The following EML1 variants were observed in gnomAD, a reference collection of about 807,000 sequenced individuals.
EML1 encodes echinoderm microtubule-associated protein-like 1.
A neutral mutation model predicts 110.4 loss-of-function variants in EML1; 27 were observed. That is an observed-to-expected ratio of 0.24 (90% CI 0.18 to 0.34). The LOEUF (loss-of-function observed/expected upper bound fraction) is 0.34, where lower values mean the gene tolerates loss of function less well. Ranked by LOEUF, EML1 falls within the 10% of genes least tolerant of loss-of-function variation. EML1 has a pLI of 1.00. For missense variants in EML1, 741 were observed against 1,030.9 expected (o/e 0.72, Z 3.85); for synonymous variants, 344 against 385.8 (o/e 0.89, Z 1.27).
At chr14:99,925,942 A>G (rs534226744) in intron 17 of EML1, among the ~76,000 whole-genome samples, 10 of 152,244 alleles carry the variant, frequency 6.6e-5, no homozygotes, top group African/African-American at 2.4e-4. Context: ...ACTATTGCCC[A>G]GGGCTCCATA....
intron 1 of EML1, among the ~76,000 whole-genome samples, chr14:99,761,463 G>A (rs1287897456): frequency 6.6e-6 from 1 of 152,198 alleles, no homozygotes; most frequent in East Asian, 1.9e-4. Flanking sequence ...TTACTGGGAG[G>A]CGCCTGGCTG....
At chr14:99,914,734 A>G (rs767705214) in intron 15 of EML1, 37 bp downstream of exon 15, 4 of 1,576,326 alleles carry the variant, frequency 2.5e-6, no homozygotes, top group Non-Finnish European at 3.4e-6. Flanking sequence ...TTTCTTACAG[A>G]AATTCATCTG....
chr14:99,816,616 C>T (rs1172457938), intron 1 of EML1, among the ~76,000 whole-genome samples: 2 of 152,250 alleles, frequency 1.3e-5, no homozygotes. Context: ...CTTCTTCTGA[C>T]CCACATTGCT....
At chr14:99,771,395 T>G (rs566041689), upstream of EML1, among the ~76,000 whole-genome samples, 1 of 152,386 alleles carries the variant, frequency 6.6e-6, no homozygotes, top group East Asian at 1.9e-4. Context: ...TGTTGAAGCC[T>G]GTATGAGTAC....
At chr14:99,899,893 C>T (rs2140014945) in intron 8 of EML1, among the ~76,000 whole-genome samples, 1 of 152,078 alleles carries the variant, frequency 6.6e-6, no homozygotes, top group Non-Finnish European at 1.5e-5. Context: ...ATAGAGAAAT[C>T]CAGAGAGGCC....
intron 16 of EML1, among the ~76,000 whole-genome samples, chr14:99,918,849 T>C (rs1190770310): frequency 6.6e-6 from 1 of 152,160 alleles, no homozygotes; most frequent in Non-Finnish European, 1.5e-5. Flanking sequence ...AAATGCTTTT[T>C]CTAGCTGCCC....
intron 4 of EML1, among the ~76,000 whole-genome samples, chr14:99,888,692 G>A (rs1319514847): frequency 1.3e-5 from 2 of 152,182 alleles, no homozygotes; most frequent in African/African-American, 4.8e-5. Context: ...GCTATTTTAA[G>A]GCCACCATGG....
chr14:99,937,763 A>C (rs552770264), intron 19 of EML1, 54 bp from the exon 20 acceptor site: 1 of 1,525,408 alleles, frequency 6.6e-7, no homozygotes, highest in African/African-American at 1.4e-5. Context: ...AGCCTTGCTT[A>C]GGGGAGGGGT....
At chr14:99,858,357 G>A (rs770381209) in intron 2 of EML1, among the ~76,000 whole-genome samples, 32 of 152,178 alleles carry the variant, frequency 2.1e-4, no homozygotes, top group Non-Finnish European at 4.4e-4. Flanking sequence ...GCTAATTTTT[G>A]TATTTTTAGT....
intron 1 of EML1, among the ~76,000 whole-genome samples, chr14:99,783,382 A>C (rs2057563482): frequency 6.6e-6 from 1 of 151,894 alleles, no homozygotes; most frequent in South Asian, 2.1e-4. Flanking sequence ...TTCTTAATCC[A>C]GTCTATCATT....
chr14:99,806,393 C>T lies in EML1; in HGVS notation c.67+12850C>T, dbSNP rs183964206. 3.4e-3 allele frequency among the ~76,000 whole-genome samples: 506 copies of T among 150,332 alleles called. 5 individuals carry two copies. The highest frequency in any genetic ancestry group is 0.011 in the African/African-American group (461 of 40,680). On this transcript the variant is annotated intron_variant, in intron 1 of 21. Transcript: ENST00000262233. ...TGCAGTGGCGTTAATCTCGGCTCAC[C>T]GCAACCTCTGCCTCCCGGGTTCAAG...
At chr14:99,904,934 A>G (rs2059819214) in intron 9 of EML1, among the ~76,000 whole-genome samples, 2 of 152,360 alleles carry the variant, frequency 1.3e-5, no homozygotes, top group East Asian at 1.9e-4. Context: ...ACAAAGCACA[A>G]CAGATTTTCT....
intron 3 of EML1, among the ~76,000 whole-genome samples, chr14:99,874,275 A>G (rs1047578066): frequency 6.6e-6 from 1 of 152,250 alleles, no homozygotes; most frequent in Non-Finnish European, 1.5e-5. Flanking sequence ...ATTTATTTTC[A>G]TAACTTACAA....
intron 2 of EML1, among the ~76,000 whole-genome samples, chr14:99,857,789 A>G (rs2058930278): frequency 6.6e-6 from 1 of 152,216 alleles, no homozygotes; most frequent in Admixed American, 6.5e-5. Context: ...ACTGGATGCA[A>G]CATTTTGTTT....
At chr14:99,834,251 T>C (rs2058504059) in intron 1 of EML1, among the ~76,000 whole-genome samples, 1 of 152,104 alleles carries the variant, frequency 6.6e-6, no homozygotes, top group African/African-American at 2.4e-5. Flanking sequence ...TATTAATAGG[T>C]CATGATGTAT....
Position 99,764,012 on chromosome 14 carries a change from C to T in EML1, c.28+26152C>T, listed in dbSNP as rs118140794. Among the ~76,000 whole-genome samples, 204 of 152,242 alleles carry T rather than the reference C, an allele frequency of 1.3e-3. 3 individuals carry two copies. The East Asian group carries it at 0.031, about 23-fold the overall frequency. Reference sequence around the variant, plus strand: ...CTTCTTGCTAACACCGCCAGGCAGCCGAGGTCCCCAAGTGTTTCTGGAGGA... The same window carrying T: ...CTTCTTGCTAACACCGCCAGGCAGCTGAGGTCCCCAAGTGTTTCTGGAGGA... On this transcript the variant is annotated intron_variant, in intron 1 of 10. Transcript: ENST00000554479.
intron 1 of EML1, among the ~76,000 whole-genome samples, chr14:99,814,249 G>T (rs865901197): frequency 6.6e-6 from 1 of 152,190 alleles, no homozygotes; most frequent in East Asian, 1.9e-4. Context: ...TCAAAAGGAA[G>T]GTCAAAGGAA....
intron 9 of EML1, 22 bp from the exon 10 acceptor site, chr14:99,907,616 C>A: frequency 6.2e-7 from 1 of 1,605,318 alleles, no homozygotes; most frequent in Non-Finnish European, 8.5e-7. Flanking sequence ...TATAGTCTTC[C>A]TGTGAATAAC....
intron 1 of EML1, among the ~76,000 whole-genome samples, chr14:99,762,046 A>G (rs890065319): frequency 1.3e-5 from 2 of 152,132 alleles, no homozygotes; most frequent in Non-Finnish European, 2.9e-5. Flanking sequence ...AATTAGGGAA[A>G]TATGTGGAGG....
Sources: gnomAD v4.1 joint callset for allele counts (sites outside exome capture counted in the v4.1 genomes callset) on GRCh38, gnomAD v4.1.1 for gene constraint, MANE v1.5 for transcripts, NCBI Gene and HGNC (gene_info 2026-07-23, HGNC 2026-07-21) for gene names.